Variants in CTNNA2 observed in about 807,000 individuals in gnomAD.
The protein encoded by CTNNA2 is catenin alpha 2.
Under a neutral mutation model 101.0 loss-of-function variants are expected in CTNNA2, and 42 were observed. The observed-to-expected ratio is 0.42, with a 90% CI of 0.32 to 0.54. The LOEUF (loss-of-function observed/expected upper bound fraction) is 0.54, where lower values mean the gene tolerates loss of function less well. Among genes scored for constraint, CTNNA2 ranks in the 20% least tolerant of loss-of-function variants. CTNNA2 has a pLI of 0.14. For missense variants in CTNNA2, 871 were observed against 1,223.1 expected, an observed-to-expected ratio of 0.71 and a Z score of 4.29; for synonymous variants, 450 against 456.4, an observed-to-expected ratio of 0.99 and a Z score of 0.18.
At chr2:80,445,586 C>A (rs1233728299) in intron 9 of CTNNA2, among the ~76,000 whole-genome samples, 1 of 152,152 alleles carries the variant, frequency 6.6e-6, no homozygotes, top group South Asian at 2.1e-4. Flanking sequence ...TAGTAAAATG[C>A]AGATATTTAG....
In CTNNA2 at chr2:79,426,985, G is replaced by A. The variant is rs114091348; in HGVS notation, c.-135+52972G>A. 4.1e-3 allele frequency among the ~76,000 whole-genome samples: 621 copies of A among 152,116 alleles called. 5 individuals are homozygous for A. Among genetic ancestry groups the A allele is most frequent in the African/African-American group, 0.014 (575 of 41,496 alleles). On this transcript the variant is annotated intron_variant, in intron 4 of 21. Transcript: ENST00000466387. The stretch of plus-strand genomic sequence containing the variant: ...AAGTTTTCATTTAGCTGCATGTGAT[G>A]TACACTTTCTCCTCCACAATGTAAA...
chr2:79,648,512 T>C (rs1178510770), intron 1 of CTNNA2, among the ~76,000 whole-genome samples: 1 of 152,154 alleles, frequency 6.6e-6, no homozygotes, highest in African/African-American at 2.4e-5. Flanking sequence ...AGCAATCCAA[T>C]GTTTTACAAG....
chr2:80,315,669 TA>T (rs912685087), intron 7 of CTNNA2, among the ~76,000 whole-genome samples: 2 of 152,200 alleles, frequency 1.3e-5, no homozygotes, highest in African/African-American at 4.8e-5. Flanking sequence ...TGTTGTCTGT[TA>T]ACTAAAGCCA....
At chr2:80,271,761 T>C (rs1673509157) in intron 7 of CTNNA2, among the ~76,000 whole-genome samples, 1 of 152,172 alleles carries the variant, frequency 6.6e-6, no homozygotes, top group African/African-American at 2.4e-5. Context: ...ACAGTGGATA[T>C]AAGAAATACT....
chr2:80,392,247 A>C (rs1325041917), intron 7 of CTNNA2, among the ~76,000 whole-genome samples: 1 of 152,218 alleles, frequency 6.6e-6, no homozygotes, highest in East Asian at 1.9e-4. Context: ...GACCTACATG[A>C]TTTTATAGAG....
At chr2:79,466,853 C>T (rs1362964560) in intron 4 of CTNNA2, among the ~76,000 whole-genome samples, 3 of 152,162 alleles carry the variant, frequency 2.0e-5, no homozygotes. Context: ...ACAGAAAGGA[C>T]ATCCATACCA....
At chr2:80,171,123 A>C (rs1280775229) in intron 7 of CTNNA2, among the ~76,000 whole-genome samples, 3 of 152,178 alleles carry the variant, frequency 2.0e-5, no homozygotes, top group Non-Finnish European at 4.4e-5. Flanking sequence ...GCTTTTTTGC[A>C]GGGCTGATAT....
intron 7 of CTNNA2, among the ~76,000 whole-genome samples, chr2:80,278,601 T>C (rs993183001): frequency 6.6e-6 from 1 of 152,102 alleles, no homozygotes; most frequent in Non-Finnish European, 1.5e-5. Context: ...TTGTGTCATA[T>C]TTACTACCAT....
chr2:79,933,031 C>T (rs1687552456), intron 7 of CTNNA2, among the ~76,000 whole-genome samples: 1 of 152,166 alleles, frequency 6.6e-6, no homozygotes, highest in Non-Finnish European at 1.5e-5. Context: ...ATATTTCTAG[C>T]ATATATATTT....
chr2:79,357,424 C>A (rs189842958), intron 3 of CTNNA2, among the ~76,000 whole-genome samples: 3 of 152,192 alleles, frequency 2.0e-5, no homozygotes, highest in Non-Finnish European at 4.4e-5. Flanking sequence ...GTAGAAAATT[C>A]TTGGACCGAA....
intron 17 of CTNNA2, among the ~76,000 whole-genome samples, chr2:80,615,372 T>G (rs1698768825): frequency 6.6e-6 from 1 of 151,596 alleles, no homozygotes; most frequent in African/African-American, 2.4e-5. Flanking sequence ...TTCTGATTCA[T>G]TCACTGAATT....
At chr2:80,358,768 G>T (rs1674096406) in intron 7 of CTNNA2, among the ~76,000 whole-genome samples, 1 of 151,938 alleles carries the variant, frequency 6.6e-6, no homozygotes, top group Non-Finnish European at 1.5e-5. Flanking sequence ...AGTCTAACCA[G>T]TTGCAAAGGA....
chr2:80,332,934 C>G (rs148939578), intron 7 of CTNNA2, among the ~76,000 whole-genome samples: 1 of 151,996 alleles, frequency 6.6e-6, no homozygotes, highest in Non-Finnish European at 1.5e-5. Flanking sequence ...TGGAAATAAA[C>G]CAAAAGAAGA....
At chr2:80,508,570 ACT>A (rs760447273) in intron 9 of CTNNA2, among the ~76,000 whole-genome samples, 3 of 150,538 alleles carry the variant, frequency 2.0e-5, no homozygotes, top group South Asian at 4.2e-4. Flanking sequence ...CAACATATGG[ACT>A]CTCTCTAGTC....
At chr2:79,270,193 G>T (rs1015044514) in intron 2 of CTNNA2, among the ~76,000 whole-genome samples, 1 of 151,992 alleles carries the variant, frequency 6.6e-6, no homozygotes, top group Non-Finnish European at 1.5e-5. Flanking sequence ...CTTAAAAAGG[G>T]TAAATTTTGA....
chr2:80,174,625 A>T (rs1161656842), intron 7 of CTNNA2, among the ~76,000 whole-genome samples: 3 of 152,160 alleles, frequency 2.0e-5, no homozygotes, highest in Admixed American at 2.0e-4. Flanking sequence ...TCACAAAGAC[A>T]CCCCAAACTC....
chr2:80,336,401 C>T (rs988423804), intron 7 of CTNNA2, among the ~76,000 whole-genome samples: 3 of 152,086 alleles, frequency 2.0e-5, no homozygotes, highest in Non-Finnish European at 4.4e-5. Flanking sequence ...TATAGCAACC[C>T]GCCCCCTCAA....
At chr2:79,340,195 A>G (rs1434212) in intron 3 of CTNNA2, 48,513 of 152,012 alleles carry the variant, frequency 0.32, 8,012 homozygotes, top group East Asian at 0.45. Flanking sequence ...GATGCTGATG[A>G]GAAAATATTT....
intron 9 of CTNNA2, among the ~76,000 whole-genome samples, chr2:80,527,055 C>T (rs189530700): frequency 6.6e-6 from 1 of 152,308 alleles, no homozygotes; most frequent in Non-Finnish European, 1.5e-5. Context: ...TGGCACCACC[C>T]TGAGTGCTCA....
Sources: gnomAD v4.1 joint callset for allele counts (sites outside exome capture counted in the v4.1 genomes callset) on GRCh38, gnomAD v4.1.1 for gene constraint, MANE v1.5 for transcripts, NCBI Gene and HGNC (gene_info 2026-07-23, HGNC 2026-07-21) for gene names.